The following PTPN7 variants were observed in gnomAD, a reference collection of about 807,000 sequenced individuals.
PTPN7 encodes the protein protein tyrosine phosphatase non-receptor type 7, also known as tyrosine-protein phosphatase non-receptor type 7.
PTPN7 carries 33 observed loss-of-function variants against 50.3 expected under a neutral mutation model. The observed-to-expected ratio is 0.66, with a 90% CI of 0.50 to 0.88. PTPN7 has a LOEUF of 0.88. PTPN7 is among the 40% of genes least tolerant of loss of function. The probability of loss-of-function intolerance (pLI) is 0.00; values close to 1 mark genes in which losing one functional copy is unlikely to be tolerated. For missense variants in PTPN7, 412 were observed against 475.4 expected (o/e 0.87, Z 1.24); for synonymous variants, 185 against 186.6 (o/e 0.99, Z 0.07).
chr1:202,160,250 C>T lies in PTPN7; in HGVS notation c.-53+295G>A, dbSNP rs1657219085. ...TGGCGGGGGTGTTGAATCACCAAGGCAGCAGGGACGGAGGTGAGGGGACAG... is the reference window on the plus strand; with the variant it reads ...TGGCGGGGGTGTTGAATCACCAAGGTAGCAGGGACGGAGGTGAGGGGACAG... On this transcript the variant is annotated intron_variant, in intron 1 of 9. Transcript: ENST00000691036. The surrounding 1 kb of genome is among the most constrained non-coding windows in gnomAD (Gnocchi z 4.8). 6.6e-6 allele frequency among the ~76,000 whole-genome samples: 1 copy of T among 152,118 alleles called. No individual in the cohort carries two copies. Among genetic ancestry groups the T allele is most frequent in the African/African-American group, 2.4e-5 (1 of 41,420 alleles).
rs1168080124 is a variant in PTPN7, at chr1:202,160,187, G to C, written c.-53+358C>G. ...GTGGGACCATCTCCTCTTGGGGGCA[G>C]TCCCTATCTCCCAGAGCCAGGGTCA... is the stretch of plus-strand genomic sequence containing the variant. On this transcript the variant is annotated intron_variant, in intron 1 of 9. Transcript: ENST00000691036. This position sits in a 1 kb window ranked among gnomAD's most constrained non-coding sequence, Gnocchi z 4.8. Among the ~76,000 whole-genome samples, 1 of 152,138 alleles carries C rather than the reference G, an allele frequency of 6.6e-6. No individual in the cohort carries two copies. Among genetic ancestry groups the C allele is most frequent in the African/African-American group, 2.4e-5 (1 of 41,414 alleles).
intron 8 of PTPN7, 152 bp downstream of exon 8, chr1:202,152,390 C>A: frequency 1.1e-6 from 1 of 932,414 alleles, no homozygotes; most frequent in Non-Finnish European, 1.5e-6. Flanking sequence ...GTAAAAAGAA[C>A]AGAGCCCTTG....
upstream of PTPN7, chr1:202,161,570 A>G: frequency 7.8e-7 from 1 of 1,282,230 alleles, no homozygotes; most frequent in Non-Finnish European, 1.0e-6. Flanking sequence ...TGCTCGCTGC[A>G]CGCCTCCTTT....
Position 202,153,709 on chromosome 1 carries a change from TC to T in PTPN7, c.717+15del. On this transcript the variant is annotated intron_variant, in intron 7 of 9. Coordinates refer to ENST00000691036, the MANE Select transcript of PTPN7 (RefSeq NM_002832.4). ...GGCCCAACTTCCCACTGGGCCTGGCTCCGGGGGGGTGGTACCTGGATGGTGA... is the reference window on the plus strand; with the variant it reads ...GGCCCAACTTCCCACTGGGCCTGGCTCGGGGGGGTGGTACCTGGATGGTGA... 1 of 1,605,572 alleles carries T rather than the reference TC, an allele frequency of 6.2e-7. No individual in the cohort carries two copies. Among genetic ancestry groups the T allele is most frequent in the Non-Finnish European group, 8.5e-7 (1 of 1,172,360 alleles).
In PTPN7 at chr1:202,157,809, G is replaced by A. The variant is rs1276745376; in HGVS notation, c.321C>T (p.Asn107=). The change falls in exon 4 of 10, where the codon AAC becomes AAT. Residue 107 remains asparagine (N), a synonymous_variant. Coordinates refer to ENST00000691036, the MANE Select transcript of PTPN7 (RefSeq NM_002832.4). The stretch of plus-strand genomic sequence containing the variant: ...TGTCCAGGTCTTCGGGGCTGACAAA[G>A]TTTGAAGGGATCTTCTGGCAGGGGG... ...LEEEFLKIPS[N]FVSPEDLDIP... is the part of the protein sequence containing the mutation. The A allele has an allele frequency of 1.9e-6, 3 of 1,613,992 alleles. No individual in the cohort carries two copies. Among genetic ancestry groups the A allele is most frequent in the African/African-American group, 1.3e-5 (1 of 74,934 alleles).
intron 4 of PTPN7, among the ~76,000 whole-genome samples, chr1:202,157,218 A>G (rs1207655578): frequency 6.6e-6 from 1 of 152,230 alleles, no homozygotes; most frequent in Non-Finnish European, 1.5e-5. Context: ...GAGTGAATAT[A>G]AAGGATTGAG....
rs1656558035 is a variant in PTPN7 at position 202,155,520 on chromosome 1, C to T, written c.468+13G>A. On this transcript the variant is annotated intron_variant, in intron 5 of 9. Coordinates refer to ENST00000691036, the MANE Select transcript of PTPN7 (RefSeq NM_002832.4). ...CCCCATTCCCCGCCCACCACTGCAG[C>T]CAGGCCACTCACTCGGATGTAGTTG... 3 of 1,535,348 alleles carry T rather than the reference C, an allele frequency of 2.0e-6. No individual in the cohort carries two copies. Among genetic ancestry groups the T allele is most frequent in the Non-Finnish European group, 2.7e-6 (3 of 1,108,610 alleles).
At position 202,160,430 on chromosome 1, in the gene PTPN7, C is replaced by T. The variant is rs1450933532; in HGVS notation, c.-53+115G>A. Reference sequence around the variant, plus strand: ...TGTGAGCACCCATACCCCAGCCAGGCACTGTGGCGCCCCACTCGCCCTCCC... The same window carrying T: ...TGTGAGCACCCATACCCCAGCCAGGTACTGTGGCGCCCCACTCGCCCTCCC... On this transcript the variant is annotated intron_variant, in intron 1 of 9. Coordinates refer to ENST00000691036, the MANE Select transcript of PTPN7 (RefSeq NM_002832.4). This position sits in a 1 kb window ranked among gnomAD's most constrained non-coding sequence, Gnocchi z 4.8. The T allele has an allele frequency of 2.7e-6, 3 of 1,100,070 alleles. No individual in the cohort carries two copies. Among genetic ancestry groups the T allele is most frequent in the East Asian group, 2.6e-5 (1 of 38,376 alleles). 68.1% of individuals were successfully genotyped at this position (1,100,070 alleles called of 1,614,324 possible). A position where few individuals can be genotyped will look rare whatever the true frequency, so the allele number is the denominator to read the frequency against.
upstream of PTPN7, chr1:202,161,438 C>T (rs919520440): frequency 2.8e-5 from 36 of 1,289,614 alleles, no homozygotes; most frequent in African/African-American, 4.2e-4. Context: ...ATGTCCTCTT[C>T]GCTGCTGGGG....
At chr1:202,160,694 C>A, upstream of PTPN7, 3 of 1,550,550 alleles carry the variant, frequency 1.9e-6, no homozygotes, top group Non-Finnish European at 2.6e-6. The surrounding 1 kb of genome is among the most constrained non-coding windows in gnomAD (Gnocchi z 4.8). Context: ...GCATTCTGCC[C>A]TCCTGTGCCT....
rs370600309 is a variant in PTPN7, at chr1:202,153,208, C to G, written c.718-509G>C. On this transcript the variant is annotated intron_variant, in intron 7 of 9. Coordinates refer to ENST00000691036, the MANE Select transcript of PTPN7 (RefSeq NM_002832.4). ...AGACAGTCTCACTCCGTCACCCAGG[C>G]TGGAGTGCAGTAGCACAATCTTGGC... 3.9e-5 allele frequency among the ~76,000 whole-genome samples: 6 copies of G among 152,124 alleles called. No individual in the cohort carries two copies. In the East Asian group the frequency reaches 5.8e-4, roughly 15 times the overall value.
rs895249257 is a variant in PTPN7 at position 202,160,419 on chromosome 1, C to A, written c.-53+126G>T. 21 of 1,005,362 alleles carry A rather than the reference C, an allele frequency of 2.1e-5. No homozygotes were observed. The highest frequency in any genetic ancestry group is 2.1e-4 in the South Asian group (13 of 62,984). 62.3% of individuals were successfully genotyped at this position (1,005,362 alleles called of 1,614,324 possible). A position where few individuals can be genotyped will look rare whatever the true frequency, so the allele number is the denominator to read the frequency against. On this transcript the variant is annotated intron_variant, in intron 1 of 9. Coordinates refer to ENST00000691036, the MANE Select transcript of PTPN7 (RefSeq NM_002832.4). This position sits in a 1 kb window ranked among gnomAD's most constrained non-coding sequence, Gnocchi z 4.8. ...GACATCAGGTCTGTGAGCACCCATA[C>A]CCCAGCCAGGCACTGTGGCGCCCCA...
At position 202,148,697 on chromosome 1, in the gene PTPN7, C is replaced by G. The variant is rs1351331214; in HGVS notation, c.992G>C (p.Gly331Ala). The change falls in exon 10 of 10, where the codon GGG becomes GCG. Residue 331 changes from glycine (G) to alanine (A), a missense_variant and splice_region_variant. Gly to Ala is a moderately conservative substitution (Grantham distance 60, BLOSUM62 0). Transcript: ENST00000691036. ...CTGCTCTGCCGTCTGGATCATCCCC[C>G]CTCTGCAAGGAGAAACACACAGACC... ...GIVCQLRLDR[G>A]GMIQTAEQYQ... 3 of 1,613,474 alleles carry G rather than the reference C, an allele frequency of 1.9e-6. No individual in the cohort carries two copies. The highest frequency in any genetic ancestry group is 2.7e-5 in the African/African-American group (2 of 75,010).
chr1:202,160,611 G>A, upstream of PTPN7: 3 of 1,550,522 alleles, frequency 1.9e-6, no homozygotes, highest in Non-Finnish European at 2.6e-6. This position sits in a 1 kb window ranked among gnomAD's most constrained non-coding sequence, Gnocchi z 4.8. Context: ...CTGTCTTTGA[G>A]GGCTGAGAAG....
chr1:202,154,338 C>T lies in PTPN7; in HGVS notation c.469-15G>A, dbSNP rs1656402845. Reference sequence around the variant, plus strand: ...CCGTCATAGCCCTGGAAGGTGGAAGCACAGGGGAAGGGGTGGGGAGCAGTG... The same window carrying T: ...CCGTCATAGCCCTGGAAGGTGGAAGTACAGGGGAAGGGGTGGGGAGCAGTG... On this transcript the variant is annotated splice_polypyrimidine_tract_variant and intron_variant, in intron 5 of 9. Transcript: ENST00000691036. The T allele has an allele frequency of 1.2e-6, 2 of 1,605,232 alleles. No individual in the cohort carries two copies. Among genetic ancestry groups the T allele is most frequent in the East Asian group, 4.5e-5 (2 of 44,856 alleles).
chr1:202,156,680 C>T (rs1291593183), intron 4 of PTPN7, among the ~76,000 whole-genome samples: 1 of 152,228 alleles, frequency 6.6e-6, no homozygotes, highest in Admixed American at 6.5e-5. Context: ...AGGGCTACTC[C>T]TCCCCCTGGC....
chr1:202,155,428 G>T, intron 5 of PTPN7, 105 bp downstream of exon 5: 1 of 1,110,960 alleles, frequency 9.0e-7, no homozygotes, highest in South Asian at 1.4e-5. Flanking sequence ...GAGCAGGGAG[G>T]GTAGGAAATG....
upstream of PTPN7, chr1:202,161,504 A>G (rs1280357089): frequency 6.2e-6 from 8 of 1,289,454 alleles, no homozygotes; most frequent in Non-Finnish European, 5.1e-6. Context: ...TCCTCTGCCC[A>G]CTGCCCCTGC....
At chr1:202,160,766 C>T (rs1418617502), upstream of PTPN7, 12 of 1,551,048 alleles carry the variant, frequency 7.7e-6, no homozygotes, top group East Asian at 2.4e-5. The surrounding 1 kb of genome is among the most constrained non-coding windows in gnomAD (Gnocchi z 4.8). Context: ...CCCAAGGCCC[C>T]GTTCCCTGGG....
Sources: allele counts gnomAD v4.1 joint callset (sites outside exome capture counted in the v4.1 genomes callset), GRCh38; gene constraint gnomAD v4.1.1; non-coding constraint Gnocchi (gnomAD v3.1); transcripts MANE v1.5; gene names NCBI Gene and HGNC (gene_info 2026-07-23, HGNC 2026-07-21).